CACNA1E: variants seen among roughly 807,000 people sequenced by gnomAD.
CACNA1E encodes the protein calcium voltage-gated channel subunit alpha1 E.
Under a neutral mutation model 259.2 loss-of-function variants are expected in CACNA1E, and 40 were observed. The observed-to-expected ratio is 0.15, with a 90% confidence interval of 0.12 to 0.20. The LOEUF is 0.20. Among genes scored for constraint, CACNA1E ranks in the 10% least tolerant of loss-of-function variants. The pLI, the probability that CACNA1E is intolerant of heterozygous loss-of-function variation, is 1.00. For synonymous variants in CACNA1E, 1,104 were observed against 1,138.5 expected (o/e 0.97, Z 0.61); for missense variants, 1,874 against 3,040.1 (o/e 0.62, Z 9.02).
At chr1:181,667,443 A>C (rs1316807936) in intron 7 of CACNA1E, among the ~76,000 whole-genome samples, 1 of 152,134 alleles carries the variant, frequency 6.6e-6, no homozygotes, top group East Asian at 1.9e-4. Context: ...TTCTGAGAGA[A>C]AGGTTTGTTT....
chr1:181,491,040 C>T (rs1664272343), intron 1 of CACNA1E, among the ~76,000 whole-genome samples: 1 of 152,218 alleles, frequency 6.6e-6, no homozygotes, highest in South Asian at 2.1e-4. Flanking sequence ...GTTTTTCAAA[C>T]TTTCTGTGCC....
chr1:181,326,079 T>C (rs754599313), intron 1 of CACNA1E, among the ~76,000 whole-genome samples: 13 of 152,214 alleles, frequency 8.5e-5, no homozygotes, highest in Non-Finnish European at 1.9e-4. Flanking sequence ...CCGCTGCCAA[T>C]CCCAGCTCCT....
At chr1:181,376,461 T>C (rs1655109811) in intron 1 of CACNA1E, among the ~76,000 whole-genome samples, 1 of 152,214 alleles carries the variant, frequency 6.6e-6, no homozygotes, top group Admixed American at 6.5e-5. Context: ...GGACACATTT[T>C]TATGTCTTAA....
Position 181,387,189 on chromosome 1 carries a change from C to T in CACNA1E, c.-14-25944C>T, listed in dbSNP as rs566425567. Reference sequence around the variant, plus strand: ...TGCCCAGCCCTCGGGTGTTTCTGTGCTGTGAGTGGGGTGAGGTGGAGGGAG... The same window carrying T: ...TGCCCAGCCCTCGGGTGTTTCTGTGTTGTGAGTGGGGTGAGGTGGAGGGAG... On this transcript the variant is annotated intron_variant, in intron 1 of 11. Transcript: ENST00000524607. Among the ~76,000 whole-genome samples the T allele has an allele frequency of 3.2e-3, 482 of 152,202 alleles. 2 individuals carry two copies. Among genetic ancestry groups the T allele is most frequent in the African/African-American group, 9.7e-3 (401 of 41,520 alleles).
intron 45 of CACNA1E, among the ~76,000 whole-genome samples, chr1:181,794,071 A>G (rs956414350): frequency 6.6e-6 from 1 of 152,204 alleles, no homozygotes; most frequent in Non-Finnish European, 1.5e-5. Context: ...AATATTTTCC[A>G]GGATTTTCTC....
At chr1:181,421,412 T>C (rs1006526764) in intron 2 of CACNA1E, among the ~76,000 whole-genome samples, 4 of 152,210 alleles carry the variant, frequency 2.6e-5, no homozygotes, top group African/African-American at 9.7e-5. Context: ...GGGCCTCTTC[T>C]CTGCCTACAG....
At chr1:181,583,445 C>G (rs1398158590) in intron 6 of CACNA1E, among the ~76,000 whole-genome samples, 1 of 152,164 alleles carries the variant, frequency 6.6e-6, no homozygotes, top group Non-Finnish European at 1.5e-5. Context: ...TTCAGTGGTG[C>G]AACGAACATG....
At position 181,798,729 on chromosome 1, in the gene CACNA1E, C is replaced by T. The variant is rs1303674361; in HGVS notation, c.6837C>T (p.Pro2279=). ...APPLRHSWQM[P]NGHYRRRRRG... ...CCCTGCGGCATAGCTGGCAGATGCC[C>T]AACGGGCACTATCGGCGGCGGAGGC... Residue 2279 remains proline (P), a synonymous_variant, in exon 48 of 48, where the codon CCC becomes CCT. Coordinates refer to ENST00000367573, the MANE Select transcript of CACNA1E (RefSeq NM_001205293.3). The surrounding 1 kb of genome is among the most constrained non-coding windows in gnomAD (Gnocchi z 4.2). 2 of 1,608,066 alleles carry T rather than the reference C, an allele frequency of 1.2e-6. No individual in the cohort carries two copies. The highest frequency in any genetic ancestry group is 8.5e-7 in the Non-Finnish European group (1 of 1,176,334).
intron 1 of CACNA1E, among the ~76,000 whole-genome samples, chr1:181,385,212 T>G (rs185056596): frequency 2.6e-5 from 4 of 152,312 alleles, no homozygotes; most frequent in Non-Finnish European, 5.9e-5. Flanking sequence ...ACTGCCAGGG[T>G]GTCATGAGAA....
In CACNA1E at chr1:181,793,812, C is replaced by T. The variant is rs1197809674; in HGVS notation, c.6027+19C>T. 1.1e-5 allele frequency: 17 copies of T among 1,608,870 alleles called. No homozygotes were observed. The highest frequency in any genetic ancestry group is 1.4e-5 in the Non-Finnish European group (17 of 1,178,340). ...TCCCCAGGTAAAAAGCAACCACCTA[C>T]ATTAATGCAGTGGCATCCGGGCTGT... On this transcript the variant is annotated intron_variant, in intron 45 of 47. Coordinates refer to ENST00000367573, the MANE Select transcript of CACNA1E (RefSeq NM_001205293.3).
chr1:181,470,139 G>A (rs564566126), intron 2 of CACNA1E, among the ~76,000 whole-genome samples: 2 of 152,134 alleles, frequency 1.3e-5, no homozygotes, highest in South Asian at 2.1e-4. Flanking sequence ...GCACACAAGT[G>A]AGCGTGAGCG....
chr1:181,750,976 AG>A (rs907605642), intron 26 of CACNA1E, among the ~76,000 whole-genome samples: 21 of 137,482 alleles, frequency 1.5e-4, no homozygotes, highest in African/African-American at 5.8e-4. Flanking sequence ...TCTCCCTGTC[AG>A]GGGGGTGGGG....
At chr1:181,530,847 G>C (rs1003447417) in intron 3 of CACNA1E, among the ~76,000 whole-genome samples, 1 of 152,170 alleles carries the variant, frequency 6.6e-6, no homozygotes, top group Non-Finnish European at 1.5e-5. Flanking sequence ...CTGGGCTGGA[G>C]AGGTAAAATG....
At chr1:181,583,162 C>G (rs1018784669) in intron 6 of CACNA1E, among the ~76,000 whole-genome samples, 2 of 150,982 alleles carry the variant, frequency 1.3e-5, no homozygotes, top group Non-Finnish European at 3.0e-5. Context: ...ACACTGGTTG[C>G]GTACCATGAA....
chr1:181,695,923 C>A (rs1415643377), intron 7 of CACNA1E, among the ~76,000 whole-genome samples: 2 of 152,140 alleles, frequency 1.3e-5, no homozygotes, highest in African/African-American at 2.4e-5. Flanking sequence ...CCACTGCACT[C>A]CAGCTTGGGC....
intron 2 of CACNA1E, among the ~76,000 whole-genome samples, chr1:181,472,017 A>G (rs77481209): frequency 0.094 from 14,362 of 152,176 alleles, 845 homozygotes; most frequent in South Asian, 0.19. Flanking sequence ...TCATCGATGG[A>G]TGAATGGATA....
At chr1:181,515,091 C>T (rs1267396686) in intron 3 of CACNA1E, among the ~76,000 whole-genome samples, 1 of 151,996 alleles carries the variant, frequency 6.6e-6, no homozygotes, top group African/African-American at 2.4e-5. Context: ...CTGGCAGTTA[C>T]TTCACAACCC....
At chr1:181,429,465 A>C (rs554982210) in intron 2 of CACNA1E, among the ~76,000 whole-genome samples, 1 of 152,286 alleles carries the variant, frequency 6.6e-6, no homozygotes, top group Non-Finnish European at 1.5e-5. Flanking sequence ...CTCCACCAGC[A>C]TCTATGCGTA....
In CACNA1E at chr1:181,580,616, C is replaced by A; in HGVS notation, c.791C>A (p.Pro264His). 1 of 1,614,044 alleles carries A rather than the reference C, an allele frequency of 6.2e-7. No homozygotes were observed. The highest frequency in any genetic ancestry group is 8.5e-7 in the Non-Finnish European group (1 of 1,179,876). Residue 264 changes from proline to histidine, a missense_variant, in exon 6 of 48, where the codon CCC (proline) becomes CAC (histidine). By Grantham distance (77) the Pro-to-His change is moderately conservative. Coordinates refer to ENST00000367573, the MANE Select transcript of CACNA1E (RefSeq NM_001205293.3). ...NNSGILEGFD[P>H]PHPCGVQGCP... ...GCAGGTATTCTAGAAGGATTTGACC[C>A]CCCTCACCCATGTGGTGTGCAGGGC...
Sources: allele counts gnomAD v4.1 joint callset (sites outside exome capture counted in the v4.1 genomes callset), GRCh38; gene constraint gnomAD v4.1.1; non-coding constraint Gnocchi (gnomAD v3.1); transcripts MANE v1.5; gene names NCBI Gene and HGNC (gene_info 2026-07-23, HGNC 2026-07-21).